Variants in PKHD1L1 observed in about 807,000 individuals in gnomAD.
The protein encoded by PKHD1L1 is fibrocystin-L.
Under a neutral mutation model 462.9 loss-of-function variants are expected in PKHD1L1, and 434 were observed. The observed-to-expected ratio is 0.94, with a 90% CI of 0.87 to 1.02. The LOEUF is 1.02. Ranked by LOEUF, PKHD1L1 falls within the 50% of genes least tolerant of loss-of-function variation. The probability of loss-of-function intolerance (pLI) is 0.00; values close to 1 mark genes in which losing one functional copy is unlikely to be tolerated. For missense variants in PKHD1L1, 5,202 were observed against 5,096.1 expected, an observed-to-expected ratio of 1.02 and a Z score of -0.63; for synonymous variants, 1,781 against 1,750.0, an observed-to-expected ratio of 1.02 and a Z score of -0.44.
intron 52 of PKHD1L1, among the ~76,000 whole-genome samples, chr8:109,476,872 A>C (rs773589617): frequency 3.9e-5 from 6 of 152,226 alleles, no homozygotes; most frequent in Non-Finnish European, 7.3e-5. Flanking sequence ...GTTGAAGGTG[A>C]CACCAGCATG....
At position 109,404,575 on chromosome 8, in the gene PKHD1L1, G is replaced by A; in HGVS notation, c.1395G>A (p.Leu465=). ...KGKEYYIEIL[L]QEYRLSAFVD... ...CCAGATACTATATTGAAATCTTGCT[G>A]CAGGAGTACAGATTAAGTGCATTTG... Residue 465 remains leucine (L), a synonymous_variant, in exon 15 of 78, where the codon CTG becomes CTA. Transcript: ENST00000378402. 1 of 1,575,004 alleles carries A rather than the reference G, an allele frequency of 6.3e-7. No individual in the cohort carries two copies. The highest frequency in any genetic ancestry group is 2.3e-5 in the East Asian group (1 of 43,004).
chr8:109,416,785 A>G (rs1482822008), intron 21 of PKHD1L1, among the ~76,000 whole-genome samples: 1 of 152,244 alleles, frequency 6.6e-6, no homozygotes, highest in East Asian at 1.9e-4. Context: ...CAGAATGATT[A>G]TATACCACTG....
chr8:109,395,148 T>C (rs1812906383), intron 10 of PKHD1L1, among the ~76,000 whole-genome samples: 1 of 152,212 alleles, frequency 6.6e-6, no homozygotes, highest in South Asian at 2.1e-4. Context: ...AATTCATTAT[T>C]TTTAAATCAT....
intron 11 of PKHD1L1, among the ~76,000 whole-genome samples, chr8:109,397,342 T>C (rs13268429): frequency 1.3e-5 from 2 of 151,748 alleles, no homozygotes. Flanking sequence ...CCTATTTCCT[T>C]TTTTCTGGTT....
At chr8:109,524,451 T>A (rs1820714504) in intron 76 of PKHD1L1, among the ~76,000 whole-genome samples, 1 of 152,098 alleles carries the variant, frequency 6.6e-6, no homozygotes, top group African/African-American at 2.4e-5. Flanking sequence ...ATTTTTTTTT[T>A]ATGGGAAATG....
In PKHD1L1 at chr8:109,408,525, T is replaced by A. The variant is rs571997047; in HGVS notation, c.1971+319T>A. Among the ~76,000 whole-genome samples the A allele has an allele frequency of 2.0e-5, 3 of 152,318 alleles. No homozygotes were observed. In the South Asian group the frequency reaches 6.2e-4, roughly 32 times the overall value. ...TGTTCTTCACTCAACATCCAATTTG[T>A]TATCCTGTAAAATCAGAAATTCCTT... On this transcript the variant is annotated intron_variant, in intron 18 of 77. Coordinates refer to ENST00000378402, the MANE Select transcript of PKHD1L1 (RefSeq NM_177531.6).
intron 3 of PKHD1L1, among the ~76,000 whole-genome samples, chr8:109,382,210 C>T (rs1739972436): frequency 1.3e-5 from 2 of 151,120 alleles, no homozygotes; most frequent in South Asian, 4.2e-4. Context: ...TACTTGTTGT[C>T]CTTTTTAATA....
At chr8:109,381,687 A>G (rs750729407) in intron 3 of PKHD1L1, among the ~76,000 whole-genome samples, 173 bp downstream of exon 3, 15 of 152,068 alleles carry the variant, frequency 9.9e-5, no homozygotes, top group Non-Finnish European at 1.9e-4. Flanking sequence ...CATTTATTAT[A>G]TTCAATTTTA....
At chr8:109,391,222 C>A (rs572484686) in intron 9 of PKHD1L1, among the ~76,000 whole-genome samples, 1 of 152,294 alleles carries the variant, frequency 6.6e-6, no homozygotes, top group South Asian at 2.1e-4. Flanking sequence ...GTGTTACCCA[C>A]TGGGAAAATG....
In PKHD1L1 at chr8:109,406,489, A is replaced by G. The variant is rs1342131774; in HGVS notation, c.1813+11A>G. On this transcript the variant is annotated intron_variant, in intron 17 of 77. Coordinates refer to ENST00000378402, the MANE Select transcript of PKHD1L1 (RefSeq NM_177531.6). ...TCATATCAACTAGAGGTAAGCATGTACTTAATTTTGTACTTCTGTAGGAAA... is the reference window on the plus strand; with the variant it reads ...TCATATCAACTAGAGGTAAGCATGTGCTTAATTTTGTACTTCTGTAGGAAA... The G allele has an allele frequency of 6.3e-7, 1 of 1,584,414 alleles. No individual in the cohort carries two copies. Among genetic ancestry groups the G allele is most frequent in the Non-Finnish European group, 8.6e-7 (1 of 1,166,080 alleles).
chr8:109,431,894 C>T (rs983330798), intron 27 of PKHD1L1, among the ~76,000 whole-genome samples: 1 of 152,102 alleles, frequency 6.6e-6, no homozygotes, highest in Non-Finnish European at 1.5e-5. Context: ...TACTAGATGA[C>T]CAAATTGCTC....
rs373858669 is a variant in PKHD1L1, at chr8:109,477,333, A to T, written c.9026A>T (p.Asp3009Val). ...NFQAYCCILQ[D>V]CFPVHPPSRK... ...CAAGCTTACTGTTGTATTCTCCAGG[A>T]TTGCTTTCCTGTACATCCGCCATCA... Residue 3009 changes from aspartate (D) to valine (V), a missense_variant, in exon 53 of 78, where the codon GAT becomes GTT. Around this residue, in one of 3 missense-constraint regions of PKHD1L1, gnomAD observed 4,497 missense variants for 4,336.8 expected, o/e 1.04. Transcript: ENST00000378402. The T allele has an allele frequency of 3.5e-5, 56 of 1,613,288 alleles. No homozygotes were observed. Among genetic ancestry groups the T allele is most frequent in the Non-Finnish European group, 4.7e-5 (55 of 1,179,622 alleles).
intron 29 of PKHD1L1, 36 bp from the exon 30 acceptor site, chr8:109,436,302 G>C: frequency 6.3e-7 from 1 of 1,590,280 alleles, no homozygotes; most frequent in Non-Finnish European, 8.5e-7. Flanking sequence ...TAGTTGAACT[G>C]TTTTGTTGTT....
rs73704009 is a variant in PKHD1L1 at position 109,454,259 on chromosome 8, A to G, written c.6744+13A>G. 3.9e-6 allele frequency: 6 copies of G among 1,553,050 alleles called. No homozygotes were observed. The highest frequency in any genetic ancestry group is 1.7e-4 in the Middle Eastern group (1 of 5,904). On this transcript the variant is annotated intron_variant, in intron 44 of 77. Coordinates refer to ENST00000378402, the MANE Select transcript of PKHD1L1 (RefSeq NM_177531.6). ...AGGTGTTCTTCAGGTATTCAAAAGA[A>G]CATAATACATATTCATTTCCAACCT...
intron 67 of PKHD1L1, among the ~76,000 whole-genome samples, chr8:109,500,666 T>C: frequency 9.1e-6 from 1 of 110,056 alleles, no homozygotes; most frequent in Non-Finnish European, 1.7e-5. Flanking sequence ...AGAGTAAAAC[T>C]CTGTCTCAAA....
intron 13 of PKHD1L1, 60 bp downstream of exon 13, chr8:109,400,404 T>C (rs1016390007): frequency 1.3e-6 from 2 of 1,494,496 alleles, no homozygotes; most frequent in Non-Finnish European, 1.8e-6. Flanking sequence ...TATTTATATG[T>C]ATCTTACTCT....
At position 109,526,898 on chromosome 8, in the gene PKHD1L1, G is replaced by A. The variant is rs1271129945; in HGVS notation, c.12599G>A (p.Ser4200Asn). 6.2e-7 allele frequency: 1 copy of A among 1,612,106 alleles called. No individual in the cohort carries two copies. Among genetic ancestry groups the A allele is most frequent in the Non-Finnish European group, 8.5e-7 (1 of 1,179,204 alleles). Residue 4200 changes from serine (S) to asparagine (N), a missense_variant, in exon 77 of 78, where the codon AGC (serine) becomes AAC (asparagine). Physicochemically the swap from Ser to Asn is conservative, Grantham distance 46. Around this residue, in one of 3 missense-constraint regions of PKHD1L1, gnomAD observed 698 missense variants for 736.3 expected, o/e 0.95. Coordinates refer to ENST00000378402, the MANE Select transcript of PKHD1L1 (RefSeq NM_177531.6). ...AGTGGCAGCAGCAGCAGCAGCAACAGCAAAGCATCAACTGTGGGTACATAT... is the reference window on the plus strand; with the variant it reads ...AGTGGCAGCAGCAGCAGCAGCAACAACAAAGCATCAACTGTGGGTACATAT... ...SSSGSSSSSN[S>N]KASTVGTYAQ... is the part of the protein sequence containing the mutation.
intron 76 of PKHD1L1, 104 bp from the exon 77 acceptor site, chr8:109,526,680 A>G: frequency 1.0e-6 from 1 of 960,932 alleles, no homozygotes; most frequent in Non-Finnish European, 1.5e-6. Flanking sequence ...ATATTTCATC[A>G]GGATCTATAT....
intron 1 of PKHD1L1, 60 bp downstream of exon 1, chr8:109,362,713 G>C: frequency 6.5e-7 from 1 of 1,527,400 alleles, no homozygotes; most frequent in Admixed American, 2.0e-5. Context: ...CACTACCCCT[G>C]CTCCCGGGGT....
Sources: gnomAD v4.1 joint callset for allele counts (sites outside exome capture counted in the v4.1 genomes callset) on GRCh38, gnomAD v4.1.1 for gene constraint, gnomAD v4.1.1 regional missense constraint, MANE v1.5 for transcripts, NCBI Gene and HGNC (gene_info 2026-07-23, HGNC 2026-07-21) for gene names.